Variants in LIX1 observed in about 807,000 individuals in gnomAD.
LIX1 encodes the protein limb and CNS expressed 1.
Under a neutral mutation model 33.4 loss-of-function variants are expected in LIX1, and 24 were observed. That is an observed-to-expected ratio of 0.72 (90% confidence interval 0.52 to 1.01). The LOEUF is 1.01. Among genes scored for constraint, LIX1 ranks in the 50% least tolerant of loss-of-function variants. The pLI, the probability that LIX1 is intolerant of heterozygous loss-of-function variation, is 0.00. For missense variants in LIX1, 311 were observed against 339.2 expected (o/e 0.92, Z 0.65); for synonymous variants, 124 against 124.0 (o/e 1.00, Z 0.00).
At chr5:97,101,881 T>C (rs1393786128) in intron 4 of LIX1, 1 of 152,154 alleles carries the variant, frequency 6.6e-6, no homozygotes, top group Non-Finnish European at 1.5e-5. Context: ...GGAAATTTGT[T>C]TATGGGATGA....
intron 2 of LIX1, among the ~76,000 whole-genome samples, chr5:97,114,012 A>G (rs968804705): frequency 6.6e-6 from 1 of 152,086 alleles, no homozygotes; most frequent in Non-Finnish European, 1.5e-5. Flanking sequence ...GACTATAGGG[A>G]GAAGGAAAAT....
chr5:97,112,278 T>G (rs1164950692), intron 2 of LIX1, among the ~76,000 whole-genome samples: 1 of 152,202 alleles, frequency 6.6e-6, no homozygotes, highest in Non-Finnish European at 1.5e-5. Context: ...TGAATGTTGC[T>G]GTAAGAACAG....
Position 97,105,191 on chromosome 5 carries a change from T to A in LIX1, c.482A>T (p.Gln161Leu). Residue 161 changes from glutamine to leucine, a missense_variant and splice_region_variant, in exon 4 of 6, where the codon CAG (glutamine) becomes CTG (leucine). Gln to Leu is a moderately radical substitution (Grantham distance 113, BLOSUM62 -2). Transcript: ENST00000274382. ...SNMGKTMLEFQELMTIFQLLH... is the reference protein window; with the variant it reads ...SNMGKTMLEFLELMTIFQLLH... ...AATATGTGGCAGGCAGGCAGGTACC[T>A]GAAACTCCAGCATAGTCTTCCCCAT... 1 of 1,613,520 alleles carries A rather than the reference T, an allele frequency of 6.2e-7. No homozygotes were observed. The highest frequency in any genetic ancestry group is 8.5e-7 in the Non-Finnish European group (1 of 1,179,444).
intron 1 of LIX1, among the ~76,000 whole-genome samples, chr5:97,135,735 C>T (rs774916104): frequency 1.3e-5 from 2 of 152,106 alleles, no homozygotes; most frequent in African/African-American, 2.4e-5. Flanking sequence ...AGGAGAATCC[C>T]TTGAACCCAG....
chr5:97,116,292 C>A (rs1436228805), intron 2 of LIX1, among the ~76,000 whole-genome samples: 1 of 152,132 alleles, frequency 6.6e-6, no homozygotes, highest in African/African-American at 2.4e-5. Context: ...TTTCTCCTTC[C>A]AGATGGTGAT....
At chr5:97,095,408 G>A (rs1679397811) in intron 5 of LIX1, among the ~76,000 whole-genome samples, 2 of 152,290 alleles carry the variant, frequency 1.3e-5, no homozygotes, top group East Asian at 3.9e-4. Flanking sequence ...TATTTCCTTT[G>A]GAAAGATAAA....
chr5:97,132,963 C>G (rs1748089794), intron 1 of LIX1, among the ~76,000 whole-genome samples: 1 of 152,290 alleles, frequency 6.6e-6, no homozygotes, highest in African/African-American at 2.4e-5. Context: ...CAGAGGGCAT[C>G]ATACTCAACA....
chr5:97,094,834 C>G lies in LIX1; in HGVS notation c.763G>C (p.Ala255Pro). 1 of 1,614,202 alleles carries G rather than the reference C, an allele frequency of 6.2e-7. No homozygotes were observed. The highest frequency in any genetic ancestry group is 8.5e-7 in the Non-Finnish European group (1 of 1,180,038). ...GGGTCACTGCAGATCTGAGTCAGGGCTAAGCTCAATATTTCTTTCTTTTCT... is the reference window on the plus strand; with the variant it reads ...GGGTCACTGCAGATCTGAGTCAGGGGTAAGCTCAATATTTCTTTCTTTTCT... The part of the protein sequence containing the change: ...YKEKKEILSL[A>P]LTQICSDPDT... Residue 255 changes from alanine (A) to proline (P), a missense_variant, in exon 6 of 6, where the codon GCC becomes CCC. Transcript: ENST00000274382.
intron 2 of LIX1, among the ~76,000 whole-genome samples, chr5:97,116,951 C>A (rs1005509682): frequency 2.0e-5 from 3 of 152,098 alleles, no homozygotes; most frequent in Non-Finnish European, 2.9e-5. Flanking sequence ...CTTTCCTAAT[C>A]ATTTCTTTCA....
At chr5:97,116,932 C>T (rs2112780697) in intron 2 of LIX1, among the ~76,000 whole-genome samples, 1 of 152,158 alleles carries the variant, frequency 6.6e-6, no homozygotes, top group South Asian at 2.1e-4. Context: ...TCTTTATTTA[C>T]CATGGGGCCT....
chr5:97,141,616 A>AT (rs58068300), intron 1 of LIX1, among the ~76,000 whole-genome samples: 77,962 of 152,002 alleles, frequency 0.51, 21,803 homozygotes, highest in Admixed American at 0.62. Flanking sequence ...GGAGACAAAC[A>AT]CAACTAGATT....
chr5:97,117,048 G>A (rs1229367434), intron 2 of LIX1, among the ~76,000 whole-genome samples: 1 of 152,050 alleles, frequency 6.6e-6, no homozygotes, highest in African/African-American at 2.4e-5. Context: ...AGGAGGCTGG[G>A]GAATAAATAA....
intron 1 of LIX1, among the ~76,000 whole-genome samples, chr5:97,135,381 G>A (rs940193988): frequency 5.3e-5 from 8 of 152,114 alleles, no homozygotes; most frequent in Admixed American, 3.3e-4. Context: ...CCACATATGT[G>A]GTTTATATGT....
intron 2 of LIX1, among the ~76,000 whole-genome samples, chr5:97,120,999 G>A (rs1747769400): frequency 2.0e-5 from 3 of 152,048 alleles, no homozygotes; most frequent in Admixed American, 2.0e-4. Context: ...TTAGTGTGGT[G>A]TGTCTTTTTT....
intron 2 of LIX1, among the ~76,000 whole-genome samples, chr5:97,110,231 T>C (rs1353530447): frequency 6.6e-6 from 1 of 152,170 alleles, no homozygotes; most frequent in Admixed American, 6.5e-5. Flanking sequence ...TGCTTGTACA[T>C]GGTGAGTGTG....
intron 4 of LIX1, among the ~76,000 whole-genome samples, chr5:97,103,838 G>A (rs1226024916): frequency 6.6e-6 from 1 of 151,876 alleles, no homozygotes; most frequent in African/African-American, 2.4e-5. Flanking sequence ...GGTGGTGGGC[G>A]CCTGTAGTCC....
intron 1 of LIX1, among the ~76,000 whole-genome samples, chr5:97,131,444 C>G (rs1221794308): frequency 1.3e-5 from 2 of 152,210 alleles, no homozygotes; most frequent in Non-Finnish European, 2.9e-5. Flanking sequence ...TGTCTTAGCA[C>G]TTAATCTCCT....
At chr5:97,097,981 C>A (rs1746480992) in intron 4 of LIX1, among the ~76,000 whole-genome samples, 1 of 152,214 alleles carries the variant, frequency 6.6e-6, no homozygotes, top group Admixed American at 6.5e-5. Flanking sequence ...CTGTTTCTAC[C>A]TTCTTCAGCC....
chr5:97,113,051 C>G (rs1747491893), intron 2 of LIX1, among the ~76,000 whole-genome samples: 1 of 152,188 alleles, frequency 6.6e-6, no homozygotes, highest in Admixed American at 6.5e-5. Flanking sequence ...CTTGCCATCT[C>G]TTTATAAGAG....
Sources: gnomAD v4.1 joint callset for allele counts (sites outside exome capture counted in the v4.1 genomes callset) on GRCh38, gnomAD v4.1.1 for gene constraint, MANE v1.5 for transcripts, NCBI Gene and HGNC (gene_info 2026-07-23, HGNC 2026-07-21) for gene names.